The following PITPNM2 variants were observed in gnomAD, a reference collection of about 807,000 sequenced individuals.
The protein encoded by PITPNM2 is phosphatidylinositol transfer protein membrane associated 2.
PITPNM2 carries 35 observed loss-of-function variants against 132.2 expected under a neutral mutation model. That is an observed-to-expected ratio of 0.26 (90% CI 0.20 to 0.35). The LOEUF (loss-of-function observed/expected upper bound fraction) is 0.35, where lower values mean the gene tolerates loss of function less well. Among genes scored for constraint, PITPNM2 ranks in the 10% least tolerant of loss-of-function variants. PITPNM2 has a pLI of 1.00. For synonymous variants in PITPNM2, 738 were observed against 799.2 expected (o/e 0.92, Z 1.29); for missense variants, 1,332 against 1,912.0 (o/e 0.70, Z 5.66).
intron 1 of PITPNM2, among the ~76,000 whole-genome samples, chr12:123,145,017 G>C (rs1593038052): frequency 1.3e-5 from 2 of 152,180 alleles, no homozygotes; most frequent in Admixed American, 1.3e-4. Context: ...GGACTTTATA[G>C]AACATAACTA....
chr12:123,139,370 G>A (rs191740139), intron 1 of PITPNM2, among the ~76,000 whole-genome samples: 5 of 151,866 alleles, frequency 3.3e-5, no homozygotes, highest in African/African-American at 7.2e-5. Flanking sequence ...GTGTGGTGGC[G>A]GGCGCCTGTA....
At chr12:122,999,222 A>G (rs544457862) in intron 10 of PITPNM2, among the ~76,000 whole-genome samples, 1 of 152,146 alleles carries the variant, frequency 6.6e-6, no homozygotes, top group South Asian at 2.1e-4. Flanking sequence ...TGGAGGAGGA[A>G]GGCTGGGCTG....
At chr12:123,100,986 T>C (rs1304286816) in intron 2 of PITPNM2, among the ~76,000 whole-genome samples, 4 of 152,188 alleles carry the variant, frequency 2.6e-5, no homozygotes, top group African/African-American at 7.2e-5. Context: ...CACACTGACA[T>C]TGATCAGAGA....
chr12:122,985,929 C>G lies in PITPNM2; in HGVS notation c.*98G>C. The G allele has an allele frequency of 8.7e-7, 1 of 1,149,424 alleles. No homozygotes were observed. The allele number at this position is 1,149,424 out of a possible 1,614,324, so 71.2% of individuals were successfully genotyped here. A position where few individuals can be genotyped will look rare whatever the true frequency, so the allele number is the denominator to read the frequency against. On this transcript the variant is annotated 3_prime_UTR_variant, in exon 26 of 26. Transcript: ENST00000320201. ...TCCACAAGGCCCTGGGACAATCTCC[C>G]AGGCCCACGTCAGTGCGTGTGCCCA...
chr12:123,027,235 A>C (rs2039896162), intron 3 of PITPNM2, among the ~76,000 whole-genome samples: 1 of 151,902 alleles, frequency 6.6e-6, no homozygotes, highest in African/African-American at 2.4e-5. Context: ...GTGACTCTTC[A>C]TGCTGACTCC....
chr12:123,135,519 T>G (rs993585380), intron 1 of PITPNM2, among the ~76,000 whole-genome samples: 2 of 152,164 alleles, frequency 1.3e-5, no homozygotes, highest in Non-Finnish European at 2.9e-5. Context: ...AACTCCCCAT[T>G]GCTTCCTCCC....
chr12:123,020,872 T>TA (rs957652530), intron 3 of PITPNM2, among the ~76,000 whole-genome samples: 29 of 148,054 alleles, frequency 2.0e-4, no homozygotes, highest in East Asian at 3.9e-4. Flanking sequence ...AAAACAATAA[T>TA]AAAAAAAAAT....
intron 2 of PITPNM2, among the ~76,000 whole-genome samples, chr12:123,101,429 A>T (rs553371533): frequency 6.6e-6 from 1 of 152,364 alleles, no homozygotes; most frequent in South Asian, 2.1e-4. Context: ...GTTTCCCAAG[A>T]GTATTTATCA....
intron 1 of PITPNM2, among the ~76,000 whole-genome samples, chr12:123,140,034 C>T (rs894873378): frequency 3.3e-5 from 5 of 152,208 alleles, no homozygotes; most frequent in African/African-American, 1.2e-4. Flanking sequence ...GGCTGGGACA[C>T]CCAGGTCCTG....
At chr12:123,003,618 A>T (rs1484245636) in intron 8 of PITPNM2, among the ~76,000 whole-genome samples, 1 of 152,212 alleles carries the variant, frequency 6.6e-6, no homozygotes, top group African/African-American at 2.4e-5. Flanking sequence ...ATGCCACCTT[A>T]TGTGGTTCCT....
At position 123,022,117 on chromosome 12, in the gene PITPNM2, G is replaced by A. The variant is rs1390821270; in HGVS notation, c.79-8075C>T. On this transcript the variant is annotated intron_variant, in intron 3 of 25. Transcript: ENST00000320201. The surrounding 1 kb of genome is among the most constrained non-coding windows in gnomAD (Gnocchi z 4.9). ...AGGCCTGGAAAACCCTTCATTTCCG[G>A]TGCTCAGAGGCTCCCGGTACAGCCA... 6.6e-6 allele frequency among the ~76,000 whole-genome samples: 1 copy of A among 152,160 alleles called. No homozygotes were observed. The highest frequency in any genetic ancestry group is 2.4e-5 in the African/African-American group (1 of 41,426).
In PITPNM2 at chr12:123,005,267, T is replaced by C; in HGVS notation, c.925A>G (p.Lys309Glu). The change falls in exon 7 of 26, where the codon AAG (lysine) becomes GAG (glutamate). Residue 309 changes from lysine to glutamate, a missense_variant. By Grantham distance (56) the Lys-to-Glu change is moderately conservative. Coordinates refer to ENST00000320201, the MANE Select transcript of PITPNM2 (RefSeq NM_020845.3). This position sits in a 1 kb window ranked among gnomAD's most constrained non-coding sequence, Gnocchi z 6.2. ...CCCCGCTTGGACGACCGAGACGACT[T>C]GGAGGATGTGGACCACTGTTTCTTG... ...GLKKQWSTSS[K>E]SSRSSKRGAS... The C allele has an allele frequency of 6.2e-7, 1 of 1,612,952 alleles. No homozygotes were observed. Among genetic ancestry groups the C allele is most frequent in the Non-Finnish European group, 8.5e-7 (1 of 1,179,414 alleles).
At chr12:123,054,665 T>C (rs2040961246) in intron 2 of PITPNM2, among the ~76,000 whole-genome samples, 2 of 152,214 alleles carry the variant, frequency 1.3e-5, no homozygotes, top group Non-Finnish European at 2.9e-5. Context: ...TGGATTTCTG[T>C]TGCACTCAGA....
At position 123,022,942 on chromosome 12, in the gene PITPNM2, G is replaced by T. The variant is rs1203579987; in HGVS notation, c.79-8900C>A. Among the ~76,000 whole-genome samples the T allele has an allele frequency of 6.6e-6, 1 of 152,146 alleles. No individual in the cohort carries two copies. Among genetic ancestry groups the T allele is most frequent in the African/African-American group, 2.4e-5 (1 of 41,430 alleles). On this transcript the variant is annotated intron_variant, in intron 3 of 25. Transcript: ENST00000320201. This position sits in a 1 kb window ranked among gnomAD's most constrained non-coding sequence, Gnocchi z 4.9. ...CCCAAACCTCCCTCCCCAGAGCCCCGCTGGGACCAAGCAAGGCGGGCTGTG... is the reference window on the plus strand; with the variant it reads ...CCCAAACCTCCCTCCCCAGAGCCCCTCTGGGACCAAGCAAGGCGGGCTGTG...
rs777628148 is a variant in PITPNM2 at position 123,111,443 on chromosome 12, C to T, written c.-199-955G>A. Among the ~76,000 whole-genome samples, 7 of 152,202 alleles carry T rather than the reference C, an allele frequency of 4.6e-5. No individual in the cohort carries two copies. In the South Asian group the frequency reaches 6.2e-4, roughly 13 times the overall value. The stretch of plus-strand genomic sequence containing the variant: ...GTCTCCTCAGACACCAGTCCATGCC[C>T]GCTAGGGGCAAGCACAGCCCTAACA... On this transcript the variant is annotated intron_variant, in intron 1 of 25. Coordinates refer to ENST00000320201, the MANE Select transcript of PITPNM2 (RefSeq NM_020845.3). This position sits in a 1 kb window ranked among gnomAD's most constrained non-coding sequence, Gnocchi z 4.1.
chr12:123,023,943 C>A lies in PITPNM2; in HGVS notation c.79-9901G>T, dbSNP rs1213324012. ...CTCCTCCAATGCAACAACAGAGAAA[C>A]AACAACCCCATTCAAAAACTGGCAA... On this transcript the variant is annotated intron_variant, in intron 3 of 25. Coordinates refer to ENST00000320201, the MANE Select transcript of PITPNM2 (RefSeq NM_020845.3). This position sits in a 1 kb window ranked among gnomAD's most constrained non-coding sequence, Gnocchi z 4.8. Among the ~76,000 whole-genome samples, 2 of 152,078 alleles carry A rather than the reference C, an allele frequency of 1.3e-5. No individual in the cohort carries two copies. The highest frequency in any genetic ancestry group is 2.9e-5 in the Non-Finnish European group (2 of 68,004).
intron 2 of PITPNM2, among the ~76,000 whole-genome samples, chr12:123,100,573 C>T (rs2042540473): frequency 6.6e-6 from 1 of 151,696 alleles, no homozygotes; most frequent in African/African-American, 2.4e-5. Context: ...TTGTAGTGAG[C>T]TGAGATTGCA....
chr12:123,146,755 A>G (rs1481298844), intron 1 of PITPNM2, among the ~76,000 whole-genome samples: 1 of 152,058 alleles, frequency 6.6e-6, no homozygotes, highest in Non-Finnish European at 1.5e-5. Flanking sequence ...GAGGAGGTCA[A>G]TGCTCCATAC....
In PITPNM2 at chr12:122,996,889, G is replaced by A. The variant is rs746323082; in HGVS notation, c.1494C>T (p.Asp498=). ...CCTGACTGCTGGACAGACAGCCTTCGTCATGGCTGTAGGGGCTGAGGCTGG... is the reference window on the plus strand; with the variant it reads ...CCTGACTGCTGGACAGACAGCCTTCATCATGGCTGTAGGGGCTGAGGCTGG... ...LVSNLSPYSH[D]EGCLSSSQDH... The change falls in exon 12 of 26, where the codon GAC becomes GAT. Residue 498 remains aspartate, a synonymous_variant. Coordinates refer to ENST00000320201, the MANE Select transcript of PITPNM2 (RefSeq NM_020845.3). 7.6e-6 allele frequency: 12 copies of A among 1,582,524 alleles called. No individual in the cohort carries two copies. The highest frequency in any genetic ancestry group is 2.2e-5 in the East Asian group (1 of 44,708).
Sources: allele counts gnomAD v4.1 joint callset (sites outside exome capture counted in the v4.1 genomes callset), GRCh38; gene constraint gnomAD v4.1.1; non-coding constraint Gnocchi (gnomAD v3.1); transcripts MANE v1.5; gene names NCBI Gene and HGNC (gene_info 2026-07-23, HGNC 2026-07-21).